Variants in SLCO3A1 observed in about 807,000 individuals in gnomAD.
SLCO3A1 encodes the protein solute carrier organic anion transporter family member 3A1.
A neutral mutation model predicts 63.1 loss-of-function variants in SLCO3A1; 27 were observed. The observed-to-expected ratio is 0.43, with a 90% CI of 0.32 to 0.59. SLCO3A1 has a LOEUF of 0.59. SLCO3A1 is among the 20% of genes least tolerant of loss of function. The probability of loss-of-function intolerance (pLI) is 0.09; values close to 1 mark genes in which losing one functional copy is unlikely to be tolerated. For missense variants in SLCO3A1, 773 were observed against 945.8 expected (o/e 0.82, Z 2.40); for synonymous variants, 473 against 409.9 (o/e 1.15, Z -1.86).
chr15:91,919,297 T>C (rs1177942573), intron 2 of SLCO3A1, among the ~76,000 whole-genome samples: 1 of 152,276 alleles, frequency 6.6e-6, no homozygotes, highest in Non-Finnish European at 1.5e-5. Flanking sequence ...CCTGGATTCC[T>C]GGATGGGCTA....
intron 1 of SLCO3A1, among the ~76,000 whole-genome samples, chr15:91,910,153 C>A (rs1323598116): frequency 6.6e-6 from 1 of 152,192 alleles, no homozygotes; most frequent in East Asian, 1.9e-4. Flanking sequence ...TCTCCCTCTG[C>A]CAGCCTCCTT....
chr15:91,938,144 A>G (rs1899480724), intron 2 of SLCO3A1, among the ~76,000 whole-genome samples: 2 of 152,248 alleles, frequency 1.3e-5, no homozygotes, highest in African/African-American at 4.8e-5. Flanking sequence ...CATCTCTGCC[A>G]GTGACCCTGC....
chr15:92,000,402 TTAA>T (rs377444068), intron 2 of SLCO3A1, among the ~76,000 whole-genome samples: 1,678 of 147,526 alleles, frequency 0.011, 36 homozygotes, highest in African/African-American at 0.041. Context: ...TCCTTTTTTT[TTAA>T]AAAAAAAAAA....
At chr15:91,919,443 G>A (rs906473589) in intron 2 of SLCO3A1, among the ~76,000 whole-genome samples, 7 of 152,326 alleles carry the variant, frequency 4.6e-5, no homozygotes, top group Non-Finnish European at 7.4e-5. Flanking sequence ...CTTTCACTGC[G>A]GCATCATGCG....
chr15:92,012,067 G>A (rs2046374860), intron 2 of SLCO3A1, among the ~76,000 whole-genome samples: 1 of 152,246 alleles, frequency 6.6e-6, no homozygotes, highest in Non-Finnish European at 1.5e-5. Context: ...GCCCAGAGAG[G>A]AAGAGACAGA....
intron 2 of SLCO3A1, among the ~76,000 whole-genome samples, chr15:92,038,214 C>A (rs1009254454): frequency 6.6e-6 from 1 of 152,148 alleles, no homozygotes; most frequent in South Asian, 2.1e-4. Context: ...CCAGTCTGAA[C>A]AACCTTGCTG....
intron 2 of SLCO3A1, among the ~76,000 whole-genome samples, chr15:92,086,424 C>G (rs1183898119): frequency 2.6e-5 from 4 of 151,970 alleles, no homozygotes; most frequent in Admixed American, 2.0e-4. Flanking sequence ...TTTGAAATGC[C>G]TATTAAGGTT....
chr15:91,909,176 C>A (rs1898406178), intron 1 of SLCO3A1, among the ~76,000 whole-genome samples: 1 of 152,192 alleles, frequency 6.6e-6, no homozygotes, highest in South Asian at 2.1e-4. Context: ...TTACCAATGG[C>A]CAGTGTTTGT....
intron 2 of SLCO3A1, among the ~76,000 whole-genome samples, chr15:92,086,587 T>C (rs1201180365): frequency 6.6e-6 from 1 of 152,222 alleles, no homozygotes; most frequent in East Asian, 1.9e-4. Flanking sequence ...TGGTGAACTC[T>C]TCTGATAAAT....
intron 2 of SLCO3A1, among the ~76,000 whole-genome samples, chr15:91,974,947 C>G (rs1901041340): frequency 6.6e-6 from 1 of 152,112 alleles, no homozygotes; most frequent in African/African-American, 2.4e-5. Flanking sequence ...GGTTCCCATC[C>G]CAGCTTCTGG....
chr15:91,890,917 G>A (rs556689762), intron 1 of SLCO3A1, among the ~76,000 whole-genome samples: 1 of 152,322 alleles, frequency 6.6e-6, no homozygotes, highest in South Asian at 2.1e-4. Flanking sequence ...TCATTTTTAA[G>A]TAAAGGCTTT....
At chr15:92,144,614 A>G (rs2151585907) in intron 7 of SLCO3A1, among the ~76,000 whole-genome samples, 1 of 152,284 alleles carries the variant, frequency 6.6e-6, no homozygotes, top group East Asian at 1.9e-4. Context: ...ATCAGCTCAA[A>G]ATATTCTTTA....
intron 2 of SLCO3A1, among the ~76,000 whole-genome samples, chr15:92,020,737 G>T (rs2046498532): frequency 6.6e-6 from 1 of 152,206 alleles, no homozygotes; most frequent in African/African-American, 2.4e-5. Context: ...TGACATTAGT[G>T]CTCAGAAGAG....
chr15:92,065,066 C>G (rs4530111), intron 2 of SLCO3A1, among the ~76,000 whole-genome samples: 117,298 of 152,110 alleles, frequency 0.77, 45,524 homozygotes, highest in Admixed American at 0.87. Context: ...CGGTTACCCA[C>G]GTTTTTTGTT....
At position 91,954,581 on chromosome 15, in the gene SLCO3A1, A is replaced by AGGAAGAGGAAGTGGAAGTTGGTGG. The variant is rs368958336; in HGVS notation, c.646+38145_646+38168dup. 9.2e-5 allele frequency among the ~76,000 whole-genome samples: 14 copies of AGGAAGAGGAAGTGGAAGTTGGTGG among 152,300 alleles called. No individual in the cohort carries two copies. Among genetic ancestry groups the AGGAAGAGGAAGTGGAAGTTGGTGG allele is most frequent in the South Asian group, 6.2e-4 (3 of 4,816 alleles). On this transcript the variant is annotated intron_variant, in intron 2 of 9. Transcript: ENST00000318445. This position sits in a 1 kb window ranked among gnomAD's most constrained non-coding sequence, Gnocchi z 4.7. ...CCTGAGAAGTGAATCCAGGCGCAGA[A>AGGAAGAGGAAGTGGAAGTTGGTGG]GGAAGAGGAAGTGGAAGTTGGTGGG...
At chr15:92,154,697 G>T (rs963043832) in intron 9 of SLCO3A1, among the ~76,000 whole-genome samples, 1 of 152,052 alleles carries the variant, frequency 6.6e-6, no homozygotes, top group African/African-American at 2.4e-5. Context: ...TTGGTAGAAA[G>T]GGCCAGGGCA....
chr15:92,160,724 G>A (rs1202347046), intron 9 of SLCO3A1, among the ~76,000 whole-genome samples: 1 of 152,096 alleles, frequency 6.6e-6, no homozygotes, highest in African/African-American at 2.4e-5. Flanking sequence ...CTGGAGCTCT[G>A]CCAAGCTCAT....
At chr15:91,931,566 G>A (rs759832535) in intron 2 of SLCO3A1, among the ~76,000 whole-genome samples, 2 of 151,784 alleles carry the variant, frequency 1.3e-5, no homozygotes, top group Non-Finnish European at 2.9e-5. Context: ...TGCCTCCCTG[G>A]TTCAAGCAGT....
intron 2 of SLCO3A1, among the ~76,000 whole-genome samples, chr15:92,015,967 C>T (rs562986620): frequency 1.5e-4 from 23 of 152,028 alleles, no homozygotes; most frequent in Non-Finnish European, 2.9e-4. Flanking sequence ...GGTTGGTCAC[C>T]AAATGAATTG....
Sources: allele counts gnomAD v4.1 joint callset (sites outside exome capture counted in the v4.1 genomes callset), GRCh38; gene constraint gnomAD v4.1.1; non-coding constraint Gnocchi (gnomAD v3.1); transcripts MANE v1.5; gene names NCBI Gene and HGNC (gene_info 2026-07-23, HGNC 2026-07-21).